The following PAG1 variants were observed in gnomAD, a reference collection of about 807,000 sequenced individuals.
PAG1 encodes the protein phosphoprotein membrane anchor with glycosphingolipid microdomains 1.
Under a neutral mutation model 31.7 loss-of-function variants are expected in PAG1, and 23 were observed. The ratio of observed to expected loss-of-function variants is 0.73; its 90% CI spans 0.52 to 1.03. The LOEUF is 1.03. PAG1 is among the 50% of genes least tolerant of loss of function. The probability of loss-of-function intolerance (pLI) is 0.00; values close to 1 mark genes in which losing one functional copy is unlikely to be tolerated. For synonymous variants in PAG1, 214 were observed against 210.3 expected (o/e 1.02, Z -0.15); for missense variants, 473 against 540.7 (o/e 0.87, Z 1.24).
intron 1 of PAG1, among the ~76,000 whole-genome samples, chr8:81,101,670 C>T (rs1348558574): frequency 6.6e-6 from 1 of 152,104 alleles, no homozygotes; most frequent in South Asian, 2.1e-4. Flanking sequence ...GCTTTGGACT[C>T]TTTAGTATTA....
chr8:80,997,800 G>A (rs1807710130), intron 3 of PAG1, among the ~76,000 whole-genome samples: 2 of 152,174 alleles, frequency 1.3e-5, no homozygotes, highest in Admixed American at 1.3e-4. Flanking sequence ...ATTATTGGCT[G>A]CATTGATGTA....
intron 7 of PAG1, among the ~76,000 whole-genome samples, chr8:80,983,240 C>G (rs189968074): frequency 3.0e-4 from 46 of 152,318 alleles, no homozygotes; most frequent in Admixed American, 2.8e-3. Flanking sequence ...AAGCACAAAC[C>G]TCACCCCCTT....
At chr8:80,997,976 A>T (rs1807714183) in intron 3 of PAG1, among the ~76,000 whole-genome samples, 2 of 152,162 alleles carry the variant, frequency 1.3e-5, no homozygotes, top group South Asian at 4.1e-4. Context: ...AAGGACTTTC[A>T]TTGGGGATTC....
intron 2 of PAG1, among the ~76,000 whole-genome samples, chr8:81,069,167 AC>A (rs1809055575): frequency 6.6e-6 from 1 of 152,168 alleles, no homozygotes; most frequent in Non-Finnish European, 1.5e-5. Context: ...AACCAAAATA[AC>A]CCTGAAATAG....
At chr8:81,080,932 T>C (rs1038034517) in intron 1 of PAG1, among the ~76,000 whole-genome samples, 1 of 152,134 alleles carries the variant, frequency 6.6e-6, no homozygotes, top group African/African-American at 2.4e-5. Context: ...GTGAGTGTCC[T>C]GCTGCGGAAA....
chr8:80,979,337 G>C (rs962663504), intron 8 of PAG1, among the ~76,000 whole-genome samples: 8 of 152,352 alleles, frequency 5.3e-5, no homozygotes, highest in African/African-American at 1.9e-4. Context: ...TCAGCAGGAG[G>C]GGACTGCTCT....
chr8:80,987,765 A>T (rs927860620), intron 5 of PAG1, among the ~76,000 whole-genome samples: 2 of 152,204 alleles, frequency 1.3e-5, no homozygotes, highest in African/African-American at 2.4e-5. Flanking sequence ...ACCACTGACA[A>T]TAAAACAATA....
At chr8:81,068,559 G>GA (rs35783012) in intron 2 of PAG1, among the ~76,000 whole-genome samples, 2 of 152,052 alleles carry the variant, frequency 1.3e-5, no homozygotes, top group African/African-American at 2.4e-5. Flanking sequence ...TATCTAGTCA[G>GA]AAAAAAAGCT....
intron 3 of PAG1, among the ~76,000 whole-genome samples, chr8:80,995,830 G>A (rs1807662723): frequency 6.6e-6 from 1 of 152,174 alleles, no homozygotes. Flanking sequence ...CCTAATAGAA[G>A]GAGGTCAGTA....
At chr8:81,001,800 C>T (rs1044787469) in intron 3 of PAG1, among the ~76,000 whole-genome samples, 9 of 152,136 alleles carry the variant, frequency 5.9e-5, no homozygotes, top group African/African-American at 1.7e-4. Context: ...AGGCTCTGTC[C>T]CCAGCACTTC....
chr8:81,024,367 G>A (rs1808239150), intron 3 of PAG1, among the ~76,000 whole-genome samples: 1 of 152,282 alleles, frequency 6.6e-6, no homozygotes, highest in African/African-American at 2.4e-5. Flanking sequence ...GCCATCTGGA[G>A]AGCGGCTGAC....
chr8:81,055,346 T>C (rs984960225), intron 2 of PAG1, among the ~76,000 whole-genome samples: 10 of 152,220 alleles, frequency 6.6e-5, no homozygotes, highest in Non-Finnish European at 1.3e-4. Flanking sequence ...AAATAAACAT[T>C]TGGAGAATTC....
At chr8:80,986,595 C>T (rs928834093) in intron 6 of PAG1, among the ~76,000 whole-genome samples, 2 of 152,128 alleles carry the variant, frequency 1.3e-5, no homozygotes, top group African/African-American at 2.4e-5. Flanking sequence ...GGCAAATTAG[C>T]AACATCTCTG....
intron 1 of PAG1, among the ~76,000 whole-genome samples, chr8:81,078,405 T>C (rs184700094): frequency 1.3e-5 from 2 of 151,302 alleles, no homozygotes; most frequent in African/African-American, 4.8e-5. Flanking sequence ...TTATAAGTCA[T>C]GAACAGATGT....
intron 3 of PAG1, among the ~76,000 whole-genome samples, chr8:81,020,363 A>G (rs2130730048): frequency 6.6e-6 from 1 of 152,126 alleles, no homozygotes; most frequent in South Asian, 2.1e-4. Flanking sequence ...CCCCACCCAA[A>G]TCTCATCTTA....
intron 1 of PAG1, among the ~76,000 whole-genome samples, chr8:81,095,332 T>C (rs1231944544): frequency 1.3e-5 from 2 of 152,178 alleles, no homozygotes; most frequent in African/African-American, 4.8e-5. Context: ...ATTGCTGTCT[T>C]GGATTCCAAT....
At chr8:81,009,070 T>C (rs1807936010) in intron 3 of PAG1, among the ~76,000 whole-genome samples, 1 of 152,178 alleles carries the variant, frequency 6.6e-6, no homozygotes. Flanking sequence ...CATACAAAAA[T>C]CATATTTCCT....
At chr8:80,983,820 T>C (rs1196782922) in intron 7 of PAG1, among the ~76,000 whole-genome samples, 1 of 152,260 alleles carries the variant, frequency 6.6e-6, no homozygotes, top group African/African-American at 2.4e-5. Flanking sequence ...TTTTATATTT[T>C]ATGAACATGT....
chr8:81,075,843 T>G (rs1809168202), intron 1 of PAG1, among the ~76,000 whole-genome samples: 1 of 152,222 alleles, frequency 6.6e-6, no homozygotes, highest in Non-Finnish European at 1.5e-5. Context: ...TACTAAATAT[T>G]ATATGTGCCT....
Sources: gnomAD v4.1 joint callset for allele counts (sites outside exome capture counted in the v4.1 genomes callset) on GRCh38, gnomAD v4.1.1 for gene constraint, MANE v1.5 for transcripts, NCBI Gene and HGNC (gene_info 2026-07-23, HGNC 2026-07-21) for gene names.